UBR1: variants seen among roughly 807,000 people sequenced by gnomAD.
The protein encoded by UBR1 is E3 ubiquitin-protein ligase UBR1.
In UBR1, 102 loss-of-function variants were observed where a neutral mutation model predicts 242.1. The observed-to-expected ratio is 0.42, with a 90% CI of 0.36 to 0.50. UBR1 has a LOEUF of 0.50. Ranked by LOEUF, UBR1 falls within the 20% of genes least tolerant of loss-of-function variation. The pLI is 0.01. For missense variants in UBR1, 1,772 were observed against 2,101.8 expected (o/e 0.84, Z 3.07); for synonymous variants, 675 against 684.8 (o/e 0.99, Z 0.22).
intron 14 of UBR1, among the ~76,000 whole-genome samples, chr15:43,046,656 T>C (rs1326551198): frequency 2.0e-5 from 3 of 152,122 alleles, no homozygotes; most frequent in African/African-American, 4.8e-5. Context: ...ACTTAGATAA[T>C]AGCAATTTTC....
At chr15:43,024,755 T>C (rs915976846) in intron 25 of UBR1, 74 bp downstream of exon 25, 12 of 1,603,814 alleles carry the variant, frequency 7.5e-6, no homozygotes, top group Admixed American at 5.0e-5. Context: ...CAACTGAAGT[T>C]AGACCTGAGA....
In UBR1 at chr15:43,015,975, ACCCCTTACAT is replaced by A. The variant is rs1237036440; in HGVS notation, c.3028-116_3028-107del. ...AGAATAAGATTCTGAAACCCTGATT[ACCCCTTACAT>A]CCTGGATTCAGTTTAATGTTTCAAA... On this transcript the variant is annotated intron_variant, in intron 28 of 46. Transcript: ENST00000290650. The A allele has an allele frequency of 5.1e-6, 5 of 975,024 alleles. No individual in the cohort carries two copies. In the African/African-American group the frequency reaches 8.1e-5, roughly 16 times the overall value. 60.4% of individuals were successfully genotyped at this position (975,024 alleles called of 1,614,324 possible).
intron 16 of UBR1, 96 bp downstream of exon 16, chr15:43,038,075 A>G: frequency 1.4e-6 from 2 of 1,402,174 alleles, no homozygotes; most frequent in South Asian, 1.2e-5. Flanking sequence ...GGAATTCCTC[A>G]GGTGGGTTTC....
At chr15:43,065,341 T>A (rs2033739111) in intron 6 of UBR1, among the ~76,000 whole-genome samples, 1 of 152,194 alleles carries the variant, frequency 6.6e-6, no homozygotes, top group Non-Finnish European at 1.5e-5. Context: ...TCGTTCTCCT[T>A]TCCTATTCTC....
intron 33 of UBR1, among the ~76,000 whole-genome samples, chr15:42,992,681 TGA>T (rs1271861339): frequency 6.6e-6 from 1 of 152,186 alleles, no homozygotes; most frequent in African/African-American, 2.4e-5. Context: ...CTCAAAAATA[TGA>T]GAGTCCCCTT....
In UBR1 at chr15:42,976,886, C is replaced by T. The variant is rs1367506634; in HGVS notation, c.4219-19G>A. The T allele has an allele frequency of 6.2e-7, 1 of 1,611,392 alleles. No homozygotes were observed. The highest frequency in any genetic ancestry group is 8.5e-7 in the Non-Finnish European group (1 of 1,178,564). ...CACCCACCTATGAGAGAAAAATGGA[C>T]ATCAATATGGCTAATGATAAAAGAC... On this transcript the variant is annotated intron_variant, in intron 38 of 46. Transcript: ENST00000290650.
At chr15:43,076,792 G>A (rs2033905123) in intron 3 of UBR1, among the ~76,000 whole-genome samples, 1 of 133,280 alleles carries the variant, frequency 7.5e-6, no homozygotes, top group African/African-American at 2.8e-5. Flanking sequence ...TCAGCCCCCC[G>A]CCCGGCCAGC....
In UBR1 at chr15:43,002,655, G is replaced by A; in HGVS notation, c.3559C>T (p.Leu1187Phe). The A allele has an allele frequency of 6.2e-7, 1 of 1,614,132 alleles. No homozygotes were observed. The highest frequency in any genetic ancestry group is 8.5e-7 in the Non-Finnish European group (1 of 1,180,038). Residue 1187 changes from leucine (L) to phenylalanine (F), a missense_variant, in exon 32 of 47, where the codon CTT (leucine) becomes TTT (phenylalanine). Around this residue, in one of 3 missense-constraint regions of UBR1, gnomAD observed 965 missense variants for 1,079.7 expected, o/e 0.89. Transcript: ENST00000290650. ...TATTCTCCACTTTCCAAGTCAAAAA[G>A]GTCAACATGAATGCGCTGCTGAGAG... ...LSSQQRIHVD[L>F]FDLESGEYLC...
At chr15:43,058,510 G>A in intron 9 of UBR1, 81 bp from the exon 10 acceptor site, 1 of 872,726 alleles carries the variant, frequency 1.1e-6, no homozygotes, top group South Asian at 1.5e-5. Context: ...TATTAGAGTG[G>A]CAGAATATTA....
At chr15:42,970,157 T>C (rs548296727) in intron 40 of UBR1, among the ~76,000 whole-genome samples, 12 of 152,148 alleles carry the variant, frequency 7.9e-5, no homozygotes, top group Non-Finnish European at 1.8e-4. Context: ...TATAGACCAA[T>C]GGAACAGAAC....
intron 3 of UBR1, among the ~76,000 whole-genome samples, chr15:43,078,520 A>G (rs1238527207): frequency 6.6e-6 from 1 of 152,222 alleles, no homozygotes. Context: ...ACATGTAAAA[A>G]TTAAAAGGGG....
chr15:43,012,182 G>A (rs900789131), intron 29 of UBR1, among the ~76,000 whole-genome samples: 24 of 151,138 alleles, frequency 1.6e-4, no homozygotes, highest in African/African-American at 5.4e-4. Flanking sequence ...AGCCGAGACC[G>A]TGCCACTGCA....
At chr15:43,094,868 ACT>A (rs1460792159) in intron 1 of UBR1, among the ~76,000 whole-genome samples, 7 of 151,888 alleles carry the variant, frequency 4.6e-5, no homozygotes, top group Non-Finnish European at 1.5e-5. Context: ...TGACAAGTCC[ACT>A]CTCTTTTCTT....
rs1183889649 is a variant in UBR1, at chr15:43,059,136, T to C, written c.1042A>G (p.Asn348Asp). Residue 348 changes from asparagine to aspartate, a missense_variant, in exon 9 of 47, where the codon AAT becomes GAT. By Grantham distance (23) the Asn-to-Asp change is conservative. Transcript: ENST00000290650. Reference protein sequence around the residue: ...ACLREEPDSENPCLISRLMLW... With the variant: ...ACLREEPDSEDPCLISRLMLW... ...ATTAACCTGCTTATGAGACAGGGAT[T>C]CTCCGAGTCAGGTTCTTCTCTAAGG... The C allele has an allele frequency of 6.2e-7, 1 of 1,614,190 alleles. No homozygotes were observed. Among genetic ancestry groups the C allele is most frequent in the Non-Finnish European group, 8.5e-7 (1 of 1,180,026 alleles).
intron 25 of UBR1, 115 bp downstream of exon 25, chr15:43,024,714 C>T (rs2033156573): frequency 7.0e-7 from 1 of 1,426,832 alleles, no homozygotes; most frequent in African/African-American, 1.4e-5. Flanking sequence ...TTTTAATGAC[C>T]CCTATGTTTC....
chr15:43,004,368 C>T (rs1196359345), intron 30 of UBR1, among the ~76,000 whole-genome samples: 2 of 152,002 alleles, frequency 1.3e-5, no homozygotes, highest in Non-Finnish European at 2.9e-5. Context: ...CCTCTCCCTC[C>T]TCTCCCTCCT....
chr15:43,019,752 G>A (rs528292222), intron 27 of UBR1, among the ~76,000 whole-genome samples: 36 of 133,298 alleles, frequency 2.7e-4, no homozygotes, highest in Non-Finnish European at 4.9e-4. Flanking sequence ...CTGCCACCAC[G>A]CCCAGCTAAT....
intron 6 of UBR1, among the ~76,000 whole-genome samples, chr15:43,060,417 T>G (rs2033669618): frequency 6.6e-6 from 1 of 152,182 alleles, no homozygotes; most frequent in Admixed American, 6.5e-5. Context: ...AAACAATGAC[T>G]CAGGCTTTCT....
rs1356568591 is a variant in UBR1, at chr15:42,970,623, T to A, written c.4370-16A>T. On this transcript the variant is annotated splice_polypyrimidine_tract_variant and intron_variant, in intron 39 of 46. Coordinates refer to ENST00000290650, the MANE Select transcript of UBR1 (RefSeq NM_174916.3). ...AGGGGTAGGCCTGAAAAAGAAATTC[T>A]GCAAGATGAATTATGTATTTGCTAT... is the stretch of plus-strand genomic sequence containing the variant. The A allele has an allele frequency of 6.2e-7, 1 of 1,607,678 alleles. No homozygotes were observed.
Sources: gnomAD v4.1 joint callset for allele counts (sites outside exome capture counted in the v4.1 genomes callset) on GRCh38, gnomAD v4.1.1 for gene constraint, gnomAD v4.1.1 regional missense constraint, MANE v1.5 for transcripts, NCBI Gene and HGNC (gene_info 2026-07-23, HGNC 2026-07-21) for gene names.